RIMS2: variants seen among roughly 807,000 people sequenced by gnomAD.
RIMS2 encodes regulating synaptic membrane exocytosis protein 2.
A neutral mutation model predicts 174.4 loss-of-function variants in RIMS2; 59 were observed. The ratio of observed to expected loss-of-function variants is 0.34; its 90% CI spans 0.27 to 0.42. The LOEUF (loss-of-function observed/expected upper bound fraction) is 0.42. Ranked by LOEUF, RIMS2 falls within the 10% of genes least tolerant of loss-of-function variation. RIMS2 has a pLI of 1.00. For missense variants in RIMS2, 1,620 were observed against 1,666.3 expected, an observed-to-expected ratio of 0.97 and a Z score of 0.48; for synonymous variants, 606 against 572.5, an observed-to-expected ratio of 1.06 and a Z score of -0.84.
intron 3 of RIMS2, among the ~76,000 whole-genome samples, chr8:103,822,258 G>A (rs1013130301): frequency 4.0e-5 from 6 of 151,650 alleles, no homozygotes; most frequent in Admixed American, 1.3e-4. Context: ...CCCCAAATCT[G>A]CAACTCAACT....
chr8:103,579,827 G>A (rs1212402491), intron 1 of RIMS2, among the ~76,000 whole-genome samples: 1 of 152,200 alleles, frequency 6.6e-6, no homozygotes, highest in African/African-American at 2.4e-5. Flanking sequence ...AAGCATGGTT[G>A]GGAAGCCTCA....
intron 19 of RIMS2, among the ~76,000 whole-genome samples, chr8:104,117,928 T>G (rs1035012039): frequency 1.3e-5 from 2 of 152,200 alleles, no homozygotes; most frequent in African/African-American, 4.8e-5. Context: ...AGCGTTGAAT[T>G]GATTTCTTAT....
chr8:103,955,413 G>A (rs1394026436), intron 14 of RIMS2, among the ~76,000 whole-genome samples: 2 of 152,066 alleles, frequency 1.3e-5, no homozygotes, highest in African/African-American at 4.8e-5. Context: ...CAATCAAGTT[G>A]GATTCATCCC....
intron 3 of RIMS2, among the ~76,000 whole-genome samples, chr8:103,864,063 C>T (rs1166239344): frequency 1.3e-5 from 2 of 152,028 alleles, no homozygotes; most frequent in Non-Finnish European, 2.9e-5. Flanking sequence ...TGTGTTCCAC[C>T]ATGCCTGGCT....
chr8:103,632,684 G>A (rs2095961564), intron 1 of RIMS2, among the ~76,000 whole-genome samples: 2 of 149,800 alleles, frequency 1.3e-5, no homozygotes, highest in South Asian at 2.1e-4. Context: ...GCCTCCCAGA[G>A]TGCTGGGATT....
intron 3 of RIMS2, among the ~76,000 whole-genome samples, chr8:103,780,004 G>A (rs747871144): frequency 1.2e-4 from 18 of 152,020 alleles, no homozygotes; most frequent in Non-Finnish European, 1.9e-4. Flanking sequence ...TTTTATGCCA[G>A]TACCATACTG....
chr8:103,606,414 C>T (rs2095084028), intron 1 of RIMS2, among the ~76,000 whole-genome samples: 1 of 151,900 alleles, frequency 6.6e-6, no homozygotes, highest in Non-Finnish European at 1.5e-5. Context: ...GAGAGCTTTA[C>T]TTCCAAGTAT....
chr8:103,689,346 T>G (rs1045934736), intron 1 of RIMS2, among the ~76,000 whole-genome samples: 4 of 152,104 alleles, frequency 2.6e-5, no homozygotes, highest in African/African-American at 9.7e-5. Context: ...TTGGATGAGA[T>G]GTTCTGTAAA....
chr8:103,958,132 G>A (rs760516144), intron 14 of RIMS2, among the ~76,000 whole-genome samples: 4 of 152,122 alleles, frequency 2.6e-5, no homozygotes, highest in Non-Finnish European at 5.9e-5. Context: ...ATTCGCAATA[G>A]CAAAGACATG....
chr8:104,145,676 A>AATAAATAAATAC (rs2098631201), intron 19 of RIMS2, among the ~76,000 whole-genome samples: 2 of 143,300 alleles, frequency 1.4e-5, no homozygotes, highest in South Asian at 4.4e-4. Flanking sequence ...AAATACAATA[A>AATAAATAAATAC]ATAAATAAAT....
At chr8:103,637,585 A>T (rs1325467590) in intron 1 of RIMS2, among the ~76,000 whole-genome samples, 1 of 152,096 alleles carries the variant, frequency 6.6e-6, no homozygotes, top group Non-Finnish European at 1.5e-5. Flanking sequence ...TTTTGTTTTA[A>T]CTTTTCATTT....
At chr8:103,765,328 T>G (rs568872965) in intron 2 of RIMS2, among the ~76,000 whole-genome samples, 21 of 152,280 alleles carry the variant, frequency 1.4e-4, no homozygotes, top group African/African-American at 5.1e-4. Context: ...CTGAAAAATA[T>G]ATCTGTAGAA....
intron 3 of RIMS2, among the ~76,000 whole-genome samples, chr8:103,794,939 G>C (rs1169126395): frequency 6.6e-6 from 1 of 152,188 alleles, no homozygotes; most frequent in Non-Finnish European, 1.5e-5. Flanking sequence ...GAAACAACGG[G>C]TGATGGAGAG....
intron 4 of RIMS2, among the ~76,000 whole-genome samples, chr8:103,899,404 T>C (rs2099313868): frequency 6.6e-6 from 1 of 151,784 alleles, no homozygotes; most frequent in South Asian, 2.1e-4. Context: ...ACTTTTTAAA[T>C]GATCGCCATT....
chr8:104,185,852 C>G (rs888228375), intron 19 of RIMS2, among the ~76,000 whole-genome samples: 1 of 151,454 alleles, frequency 6.6e-6, no homozygotes, highest in African/African-American at 2.4e-5. Flanking sequence ...ATCGAATTAC[C>G]ATTCAATCCA....
At chr8:104,035,116 G>A (rs1265166968) in intron 19 of RIMS2, among the ~76,000 whole-genome samples, 1 of 152,074 alleles carries the variant, frequency 6.6e-6, no homozygotes, top group African/African-American at 2.4e-5. Flanking sequence ...ACTTTAAAAT[G>A]ATTATGAGCT....
chr8:104,025,551 A>G (rs2096235697), intron 19 of RIMS2, among the ~76,000 whole-genome samples: 1 of 152,196 alleles, frequency 6.6e-6, no homozygotes, highest in Admixed American at 6.6e-5. Flanking sequence ...TACTTGTTGC[A>G]TAATAATTAC....
chr8:103,774,170 A>T (rs887891593), intron 3 of RIMS2, among the ~76,000 whole-genome samples: 1 of 152,196 alleles, frequency 6.6e-6, no homozygotes, highest in Non-Finnish European at 1.5e-5. Flanking sequence ...TATTAAAATG[A>T]TCTAAACATT....
chr8:103,925,925 A>G (rs1390219166), intron 10 of RIMS2, among the ~76,000 whole-genome samples: 1 of 151,598 alleles, frequency 6.6e-6, no homozygotes, highest in Non-Finnish European at 1.5e-5. Context: ...CCTTAATTGA[A>G]AAAATATTGT....
Sources: gnomAD v4.1 joint callset for allele counts (sites outside exome capture counted in the v4.1 genomes callset) on GRCh38, gnomAD v4.1.1 for gene constraint, MANE v1.5 for transcripts, NCBI Gene and HGNC (gene_info 2026-07-23, HGNC 2026-07-21) for gene names.